Variants in STXBP5L observed in about 807,000 individuals in gnomAD.
STXBP5L encodes syntaxin-binding protein 5-like.
STXBP5L carries 65 observed loss-of-function variants against 144.5 expected under a neutral mutation model. The observed-to-expected ratio is 0.45, with a 90% confidence interval of 0.37 to 0.55. The LOEUF is 0.55. Among genes scored for constraint, STXBP5L ranks in the 20% least tolerant of loss-of-function variants. STXBP5L has a pLI of 0.00. For missense variants in STXBP5L, 1,298 were observed against 1,405.5 expected, an observed-to-expected ratio of 0.92 and a Z score of 1.22; for synonymous variants, 505 against 469.6, an observed-to-expected ratio of 1.08 and a Z score of -0.97.
At chr3:121,293,816 G>T (rs1224770862) in intron 19 of STXBP5L, among the ~76,000 whole-genome samples, 1 of 152,192 alleles carries the variant, frequency 6.6e-6, no homozygotes, top group Non-Finnish European at 1.5e-5. Context: ...AGCCAAGATG[G>T]TGCCATTGCA....
At chr3:121,009,471 A>T (rs899115787) in intron 3 of STXBP5L, among the ~76,000 whole-genome samples, 8 of 152,136 alleles carry the variant, frequency 5.3e-5, no homozygotes, top group African/African-American at 1.9e-4. Flanking sequence ...GCTCAGTGGG[A>T]GGAATTCCCT....
At chr3:121,074,702 G>A (rs575847731) in intron 5 of STXBP5L, among the ~76,000 whole-genome samples, 2 of 152,198 alleles carry the variant, frequency 1.3e-5, no homozygotes, top group Non-Finnish European at 2.9e-5. Context: ...CCATTCCTTT[G>A]TTGTTGGGAC....
intron 14 of STXBP5L, among the ~76,000 whole-genome samples, chr3:121,249,194 G>T (rs969980760): frequency 6.6e-5 from 10 of 151,960 alleles, no homozygotes; most frequent in African/African-American, 2.4e-4. Context: ...AGTTTGATAG[G>T]AATAGTGATG....
At chr3:121,183,662 A>G (rs2047252412) in intron 9 of STXBP5L, among the ~76,000 whole-genome samples, 1 of 150,532 alleles carries the variant, frequency 6.6e-6, no homozygotes, top group Non-Finnish European at 1.5e-5. Context: ...AGAAAGAAAG[A>G]AGGAAGGGAG....
chr3:121,351,400 G>A (rs1275551202), intron 20 of STXBP5L, among the ~76,000 whole-genome samples: 1 of 152,132 alleles, frequency 6.6e-6, no homozygotes, highest in African/African-American at 2.4e-5. Flanking sequence ...AGGCTACTCA[G>A]GGGTTAGGGA....
chr3:121,188,988 G>A (rs1158650131), intron 9 of STXBP5L, among the ~76,000 whole-genome samples: 1 of 152,198 alleles, frequency 6.6e-6, no homozygotes, highest in Non-Finnish European at 1.5e-5. Flanking sequence ...GAAATAAAGG[G>A]TATTCAATTA....
intron 9 of STXBP5L, among the ~76,000 whole-genome samples, chr3:121,169,686 G>T (rs2046635622): frequency 6.6e-6 from 1 of 152,116 alleles, no homozygotes; most frequent in Non-Finnish European, 1.5e-5. Flanking sequence ...GGAGCACCCA[G>T]ATTCATAAAG....
chr3:121,381,379 T>G lies in STXBP5L; in HGVS notation c.2434T>G (p.Tyr812Asp), dbSNP rs1272403752. Residue 812 changes from tyrosine to aspartate, a missense_variant, in exon 22 of 27, where the codon TAC (tyrosine) becomes GAC (aspartate). By Grantham distance (160) the Tyr-to-Asp change is radical. Transcript: ENST00000471454. ...KDSKEAITALYFMDSFARKND... is the reference protein window; with the variant it reads ...KDSKEAITALDFMDSFARKND... ...TTCTAAAGAAGCAATTACAGCACTATACTTCATGGACTCCTTTGCACGGAA... is the reference window on the plus strand; with the variant it reads ...TTCTAAAGAAGCAATTACAGCACTAGACTTCATGGACTCCTTTGCACGGAA... The G allele has an allele frequency of 6.2e-7, 1 of 1,611,668 alleles. No homozygotes were observed. Among genetic ancestry groups the G allele is most frequent in the Admixed American group, 1.7e-5 (1 of 59,380 alleles).
At chr3:120,990,979 T>C (rs1383750999) in intron 3 of STXBP5L, among the ~76,000 whole-genome samples, 3 of 151,966 alleles carry the variant, frequency 2.0e-5, no homozygotes, top group Admixed American at 2.0e-4. Context: ...AACTGACAAA[T>C]GGGATCTAAT....
At chr3:121,202,216 C>T (rs2048166821) in intron 9 of STXBP5L, among the ~76,000 whole-genome samples, 1 of 152,124 alleles carries the variant, frequency 6.6e-6, no homozygotes, top group African/African-American at 2.4e-5. Context: ...TATATATTCA[C>T]AGAATCTGTT....
chr3:121,350,059 G>T (rs1021503956), intron 20 of STXBP5L, among the ~76,000 whole-genome samples: 11 of 152,106 alleles, frequency 7.2e-5, no homozygotes, highest in Non-Finnish European at 1.2e-4. Flanking sequence ...AGCCTCAATG[G>T]TCTTTACAAT....
At chr3:121,229,167 T>A (rs898501856) in intron 11 of STXBP5L, among the ~76,000 whole-genome samples, 42 of 152,306 alleles carry the variant, frequency 2.8e-4, no homozygotes, top group African/African-American at 1.0e-3. Flanking sequence ...TATATCGCTC[T>A]AGGAAAAAGA....
intron 9 of STXBP5L, among the ~76,000 whole-genome samples, chr3:121,177,663 T>C (rs1368223784): frequency 6.6e-6 from 1 of 152,160 alleles, no homozygotes; most frequent in Non-Finnish European, 1.5e-5. Context: ...ACTGGAACAT[T>C]TGTGCACTGT....
intron 9 of STXBP5L, among the ~76,000 whole-genome samples, chr3:121,195,411 A>G (rs1316525444): frequency 6.6e-6 from 1 of 152,132 alleles, no homozygotes; most frequent in Non-Finnish European, 1.5e-5. Flanking sequence ...CCATCGCGTC[A>G]CATAATTGTC....
intron 7 of STXBP5L, among the ~76,000 whole-genome samples, chr3:121,123,054 G>A (rs575354213): frequency 2.0e-5 from 3 of 151,620 alleles, no homozygotes; most frequent in Admixed American, 2.0e-4. Context: ...GATTTTAAGA[G>A]TTGATGTTGT....
At chr3:121,101,451 T>C (rs2043420568) in intron 5 of STXBP5L, among the ~76,000 whole-genome samples, 1 of 151,818 alleles carries the variant, frequency 6.6e-6, no homozygotes. Flanking sequence ...TGCAAATCAA[T>C]AAATCACAAC....
chr3:121,042,647 T>A (rs1947241530), intron 4 of STXBP5L, among the ~76,000 whole-genome samples: 1 of 152,120 alleles, frequency 6.6e-6, no homozygotes. Context: ...TCCTAAGAAC[T>A]TACAATTATA....
chr3:121,068,000 CT>C (rs2041628816), intron 5 of STXBP5L, among the ~76,000 whole-genome samples: 1 of 152,160 alleles, frequency 6.6e-6, no homozygotes, highest in African/African-American at 2.4e-5. Context: ...AAAAATTAGT[CT>C]GACAATATTA....
intron 2 of STXBP5L, among the ~76,000 whole-genome samples, chr3:120,930,708 G>A (rs1433540624): frequency 3.9e-5 from 6 of 151,940 alleles, no homozygotes; most frequent in African/African-American, 4.8e-5. Flanking sequence ...ACAGCCCGTC[G>A]GTTGCACCAT....
Sources: gnomAD v4.1 joint callset for allele counts (sites outside exome capture counted in the v4.1 genomes callset) on GRCh38, gnomAD v4.1.1 for gene constraint, MANE v1.5 for transcripts, NCBI Gene and HGNC (gene_info 2026-07-23, HGNC 2026-07-21) for gene names.